Variants in KLRG1 observed in about 807,000 individuals in gnomAD.
KLRG1 encodes killer cell lectin-like receptor subfamily G member 1.
A neutral mutation model predicts 21.8 loss-of-function variants in KLRG1; 16 were observed. The observed-to-expected ratio is 0.73, with a 90% confidence interval of 0.50 to 1.11. The LOEUF (loss-of-function observed/expected upper bound fraction) is 1.11. KLRG1 is among the 50% of genes most tolerant of loss of function. The pLI, the probability that KLRG1 is intolerant of heterozygous loss-of-function variation, is 0.00. For synonymous variants in KLRG1, 69 were observed against 75.9 expected, an observed-to-expected ratio of 0.91 and a Z score of 0.47; for missense variants, 173 against 218.3, an observed-to-expected ratio of 0.79 and a Z score of 1.31.
At chr12:9,096,995 T>G in the KLRG1 span, among the ~76,000 whole-genome samples, 1 of 152,184 alleles carries the variant, frequency 6.6e-6, no homozygotes. Context: ...AATCAAAGCT[T>G]GAGAAGAGTT....
chr12:9,163,625 G>A, the KLRG1 span: 6 of 1,604,538 alleles, frequency 3.7e-6, no homozygotes, highest in African/African-American at 4.0e-5. Flanking sequence ...ACCGCCCGGT[G>A]TTGCATTCTT....
At chr12:9,162,587 G>C in the KLRG1 span, 1 of 1,561,548 alleles carries the variant, frequency 6.4e-7, no homozygotes, top group South Asian at 1.1e-5. Flanking sequence ...TTATGAAGAT[G>C]GACTCTTACC....
At chr12:9,098,740 C>A in the KLRG1 span, 2 of 1,612,924 alleles carry the variant, frequency 1.2e-6, no homozygotes, top group African/African-American at 2.7e-5. Context: ...TTGTGATGGG[C>A]TGAAGCTCAA....
chr12:8,997,877 C>A (rs1947182382), intron 3 of KLRG1, among the ~76,000 whole-genome samples: 2 of 152,036 alleles, frequency 1.3e-5, no homozygotes, highest in African/African-American at 4.8e-5. Context: ...ACCTCTGCCT[C>A]CAGGGTTCCA....
At chr12:8,996,399 C>A (rs1276211753) in intron 3 of KLRG1, 1 of 152,180 alleles carries the variant, frequency 6.6e-6, no homozygotes, top group Non-Finnish European at 1.5e-5. Context: ...TAATTTGATA[C>A]TGATTTTTGT....
the KLRG1 span, among the ~76,000 whole-genome samples, chr12:9,053,302 A>G: frequency 6.6e-6 from 1 of 152,158 alleles, no homozygotes; most frequent in Non-Finnish European, 1.5e-5. Context: ...CACAGCTTGG[A>G]AAAAGAAACA....
intron 1 of KLRG1, among the ~76,000 whole-genome samples, chr12:8,954,665 A>G (rs1206244657): frequency 1.3e-5 from 2 of 152,112 alleles, no homozygotes; most frequent in African/African-American, 4.8e-5. Flanking sequence ...GTTTGTTGCT[A>G]CTTGTGTGTC....
At chr12:8,985,956 C>T (rs185787628), upstream of KLRG1, among the ~76,000 whole-genome samples, 5 of 152,302 alleles carry the variant, frequency 3.3e-5, no homozygotes, top group African/African-American at 9.6e-5. Context: ...AGAGTCCTGC[C>T]TTGAGGCAGA....
chr12:9,086,679 A>T, the KLRG1 span, among the ~76,000 whole-genome samples: 2 of 152,246 alleles, frequency 1.3e-5, no homozygotes, highest in Non-Finnish European at 2.9e-5. Flanking sequence ...CCTATAGCTT[A>T]CATATTTAAC....
the KLRG1 span, among the ~76,000 whole-genome samples, chr12:9,036,030 G>A: frequency 2.0e-5 from 3 of 152,140 alleles, no homozygotes; most frequent in African/African-American, 7.2e-5. Flanking sequence ...TGGAAAAACT[G>A]TCTATTGGGT....
the KLRG1 span, chr12:9,153,432 G>A: frequency 5.6e-6 from 6 of 1,077,198 alleles, no homozygotes; most frequent in Non-Finnish European, 5.5e-6. Context: ...CTACCATGAG[G>A]GAAGCTGGCT....
chr12:8,952,428 A>G (rs1205052093), intron 1 of KLRG1, among the ~76,000 whole-genome samples: 1 of 152,130 alleles, frequency 6.6e-6, no homozygotes, highest in Non-Finnish European at 1.5e-5. Flanking sequence ...CTAAACTCAA[A>G]TAATCTGCCT....
chr12:8,989,184 T>C (rs1410852426), upstream of KLRG1, among the ~76,000 whole-genome samples: 1 of 152,198 alleles, frequency 6.6e-6, no homozygotes, highest in South Asian at 2.1e-4. Flanking sequence ...CATTTCGTTA[T>C]TGCTTATCAC....
chr12:9,108,099 G>GTTTATTTTATTTTAT, the KLRG1 span, among the ~76,000 whole-genome samples: 61 of 148,378 alleles, frequency 4.1e-4, no homozygotes, highest in East Asian at 1.0e-3. Flanking sequence ...AGTTTCACTT[G>GTTTATTTTATTTTAT]TTTATTTTAT....
chr12:8,979,854 T>G (rs1946726115), intron 1 of KLRG1, among the ~76,000 whole-genome samples: 1 of 152,150 alleles, frequency 6.6e-6, no homozygotes. Flanking sequence ...GTATTGTATT[T>G]TTTATTTTAC....
At chr12:8,992,705 ATTATTT>A (rs1255417669) in intron 2 of KLRG1, among the ~76,000 whole-genome samples, 1 of 151,290 alleles carries the variant, frequency 6.6e-6, no homozygotes, top group African/African-American at 2.4e-5. Context: ...TATTATTATT[ATTATTT>A]TTTTTTTTTT....
At chr12:9,092,349 A>T in the KLRG1 span, among the ~76,000 whole-genome samples, 1 of 152,162 alleles carries the variant, frequency 6.6e-6, no homozygotes, top group Non-Finnish European at 1.5e-5. Context: ...GAGTCTCCCT[A>T]GACCACAGTG....
At chr12:9,215,445 AG>A in the KLRG1 span, among the ~76,000 whole-genome samples, 1 of 152,028 alleles carries the variant, frequency 6.6e-6, no homozygotes, top group Non-Finnish European at 1.5e-5. Flanking sequence ...GGAATATGGT[AG>A]GCATTATTTT....
At chr12:8,985,542 C>G (rs1350738245), upstream of KLRG1, among the ~76,000 whole-genome samples, 1 of 152,212 alleles carries the variant, frequency 6.6e-6, no homozygotes, top group Non-Finnish European at 1.5e-5. Flanking sequence ...CAAGTCTGGG[C>G]CTCTGGAACA....
Sources: allele counts gnomAD v4.1 joint callset (sites outside exome capture counted in the v4.1 genomes callset), GRCh38; gene constraint gnomAD v4.1.1; transcripts MANE v1.5; gene names NCBI Gene and HGNC (gene_info 2026-07-23, HGNC 2026-07-21).